The following TRPC3 variants were observed in gnomAD, a reference collection of about 807,000 sequenced individuals.
TRPC3 encodes short transient receptor potential channel 3.
TRPC3 carries 54 observed loss-of-function variants against 90.9 expected under a neutral mutation model. The ratio of observed to expected loss-of-function variants is 0.59; its 90% CI spans 0.48 to 0.75. The LOEUF (loss-of-function observed/expected upper bound fraction) is 0.75. TRPC3 is among the 30% of genes least tolerant of loss of function. TRPC3 has a pLI of 0.00. For missense variants in TRPC3, 918 were observed against 1,194.5 expected (o/e 0.77, Z 3.41); for synonymous variants, 424 against 450.9 (o/e 0.94, Z 0.75).
At chr4:121,883,423 A>G (rs1172543100) in intron 10 of TRPC3, among the ~76,000 whole-genome samples, 1 of 152,200 alleles carries the variant, frequency 6.6e-6, no homozygotes, top group Non-Finnish European at 1.5e-5. Context: ...ATATATAAAG[A>G]ACTTTAATTC....
At position 121,939,354 on chromosome 4, in the gene TRPC3, T is replaced by C. The variant is rs80272463; in HGVS notation, c.216-6312A>G. ...ATTTGAGAAAAGGGAAACTGTCTAA[T>C]GAAAAGATTTTCTCAATTCCTTTAT... is the stretch of plus-strand genomic sequence containing the variant. On this transcript the variant is annotated intron_variant, in intron 1 of 11. Transcript: ENST00000379645. 4.2e-3 allele frequency among the ~76,000 whole-genome samples: 636 copies of C among 152,330 alleles called. 3 individuals carry two copies. The highest frequency in any genetic ancestry group is 0.015 in the African/African-American group (617 of 41,578).
At chr4:121,940,008 A>G (rs116707650) in intron 1 of TRPC3, among the ~76,000 whole-genome samples, 270 of 152,292 alleles carry the variant, frequency 1.8e-3, no homozygotes, top group African/African-American at 6.3e-3. Flanking sequence ...CATTTACTTT[A>G]TAGTATCGAA....
intron 6 of TRPC3, among the ~76,000 whole-genome samples, 200 bp from the exon 7 acceptor site, chr4:121,907,767 G>C (rs987620226): frequency 6.6e-6 from 1 of 151,950 alleles, no homozygotes; most frequent in African/African-American, 2.4e-5. Context: ...TTAGATGGAG[G>C]GTACACTATT....
chr4:121,916,328 C>T (rs1215224334), intron 3 of TRPC3, among the ~76,000 whole-genome samples: 2 of 152,162 alleles, frequency 1.3e-5, no homozygotes, highest in African/African-American at 4.8e-5. Flanking sequence ...CAGAGTGCAC[C>T]CAGTGTAAAG....
At chr4:121,935,651 A>G (rs143908763) in intron 1 of TRPC3, among the ~76,000 whole-genome samples, 9 of 152,302 alleles carry the variant, frequency 5.9e-5, no homozygotes, top group African/African-American at 2.2e-4. Context: ...AAATGGCTAG[A>G]AATTCCATGT....
At chr4:121,950,466 T>C (rs1333075818) in intron 1 of TRPC3, 1 of 152,268 alleles carries the variant, frequency 6.6e-6, no homozygotes, top group Non-Finnish European at 1.5e-5. Flanking sequence ...TTCTGAGCGT[T>C]CTTCCTAAAA....
intron 5 of TRPC3, among the ~76,000 whole-genome samples, chr4:121,910,800 T>C (rs1241844655): frequency 1.3e-5 from 2 of 152,196 alleles, no homozygotes; most frequent in Non-Finnish European, 2.9e-5. Flanking sequence ...ATAGTGATTA[T>C]TGGAGAAATA....
At chr4:121,935,224 T>G (rs1302877623) in intron 1 of TRPC3, among the ~76,000 whole-genome samples, 1 of 152,196 alleles carries the variant, frequency 6.6e-6, no homozygotes, top group Non-Finnish European at 1.5e-5. Context: ...TTTTAATTCC[T>G]TGGTTGACAA....
intron 10 of TRPC3, among the ~76,000 whole-genome samples, chr4:121,896,712 C>T (rs1312191269): frequency 4.6e-5 from 7 of 151,496 alleles, no homozygotes; most frequent in East Asian, 1.9e-4. Context: ...AAAATGACAA[C>T]GGTACTCAAA....
chr4:121,950,024 G>T (rs1167012058), intron 1 of TRPC3, among the ~76,000 whole-genome samples: 2 of 152,230 alleles, frequency 1.3e-5, no homozygotes, highest in African/African-American at 4.8e-5. Flanking sequence ...AGGAAAAATG[G>T]ACAATGTTTT....
rs1728812129 is a variant in TRPC3 at position 121,904,384 on chromosome 4, T to C, written c.2191A>G (p.Met731Val). 1 of 1,601,452 alleles carries C rather than the reference T, an allele frequency of 6.2e-7. No individual in the cohort carries two copies. Among genetic ancestry groups the C allele is most frequent in the Middle Eastern group, 1.7e-4 (1 of 6,018 alleles). The change falls in exon 8 of 12, where the codon ATG becomes GTG. Residue 731 changes from methionine (M) to valine (V), a missense_variant. By Grantham distance (21) the Met-to-Val change is conservative (BLOSUM62 1). Coordinates refer to ENST00000379645, the MANE Select transcript of TRPC3 (RefSeq NM_001130698.2). ...AGCATGTTGAGTAAAACGACCACCA[T>C]AGTTACATTGTATATTCCATAAAGA... ...YVLYGIYNVT[M>V]VVVLLNMLIA...
At position 121,951,555 on chromosome 4, in the gene TRPC3, G is replaced by T; in HGVS notation, c.126C>A (p.Gly42=). 7 of 1,432,994 alleles carry T rather than the reference G, an allele frequency of 4.9e-6. No individual in the cohort carries two copies. Among genetic ancestry groups the T allele is most frequent in the Non-Finnish European group, 6.4e-6 (7 of 1,090,050 alleles). 88.8% of individuals were successfully genotyped at this position (1,432,994 alleles called of 1,614,324 possible). The change falls in exon 1 of 12, where the codon GGC becomes GGA. Residue 42 remains glycine (G), a synonymous_variant. Transcript: ENST00000379645. The surrounding 1 kb of genome is among the most constrained non-coding windows in gnomAD (Gnocchi z 4.4). ...EPQRRRRGWR[G]VNGGLEPRSA... ...AGCGCGGCTCCAGCCCCCCGTTGAC[G>T]CCCCTCCAGCCCCGGCGGCGGCGCT...
At chr4:121,913,332 C>A (rs1384177768) in intron 4 of TRPC3, among the ~76,000 whole-genome samples, 1 of 152,104 alleles carries the variant, frequency 6.6e-6, no homozygotes, top group African/African-American at 2.4e-5. Context: ...AAGCAGAATG[C>A]CAATCTCAAA....
At chr4:121,948,386 T>C (rs1188068066) in intron 1 of TRPC3, among the ~76,000 whole-genome samples, 1 of 151,822 alleles carries the variant, frequency 6.6e-6, no homozygotes, top group Admixed American at 6.6e-5. Flanking sequence ...TTCCCTCAAT[T>C]TCTCCCCTTT....
In TRPC3 at chr4:121,904,321, C is replaced by T. The variant is rs1560695540; in HGVS notation, c.2253+1G>A. On this transcript the variant is annotated splice_donor_variant, in intron 8 of 11. Transcript: ENST00000379645. LOFTEE classifies it high-confidence loss of function. Reference sequence around the variant, plus strand: ...ATACTATGGATAGAAAACCGATTTACCTCAATTTCTTGATATGAGCTATTA... The same window carrying T: ...ATACTATGGATAGAAAACCGATTTATCTCAATTTCTTGATATGAGCTATTA... 1.3e-6 allele frequency: 2 copies of T among 1,596,902 alleles called. No individual in the cohort carries two copies. Among genetic ancestry groups the T allele is most frequent in the South Asian group, 1.1e-5 (1 of 87,518 alleles).
rs1426213289 is a variant in TRPC3 at position 121,951,840 on chromosome 4, G to T, written c.-160C>A. On this transcript the variant is annotated 5_prime_UTR_variant, in exon 1 of 12. Transcript: ENST00000379645. The surrounding 1 kb of genome is among the most constrained non-coding windows in gnomAD (Gnocchi z 4.4). ...GCAGGAGCGGAGAGCGTCGCGGCCC[G>T]CGATCCAGCAGTTAGAGGCTAGCGC... The T allele has an allele frequency of 6.2e-6, 3 of 482,866 alleles. No homozygotes were observed. The highest frequency in any genetic ancestry group is 6.1e-5 in the African/African-American group (3 of 49,558). The allele number at this position is 482,866 out of a possible 1,614,324, so 29.9% of individuals were successfully genotyped here. A position where few individuals can be genotyped will look rare whatever the true frequency, so the allele number is the denominator to read the frequency against.
intron 3 of TRPC3, 55 bp from the exon 4 acceptor site, chr4:121,914,999 T>C: frequency 6.8e-7 from 1 of 1,466,886 alleles, no homozygotes; most frequent in South Asian, 1.3e-5. Flanking sequence ...TACCATACCA[T>C]TGTCAATAGC....
At chr4:121,890,535 T>C (rs1330121668) in intron 10 of TRPC3, among the ~76,000 whole-genome samples, 2 of 151,824 alleles carry the variant, frequency 1.3e-5, no homozygotes, top group African/African-American at 4.8e-5. Flanking sequence ...TCAAAATGAA[T>C]AGGGAAAAAA....
chr4:121,888,877 T>A (rs1370172614), intron 10 of TRPC3, among the ~76,000 whole-genome samples: 1 of 152,176 alleles, frequency 6.6e-6, no homozygotes, highest in Non-Finnish European at 1.5e-5. Flanking sequence ...TAGGAGGTGA[T>A]TAGGTTCCAC....
Sources: allele counts gnomAD v4.1 joint callset (sites outside exome capture counted in the v4.1 genomes callset), GRCh38; gene constraint gnomAD v4.1.1; non-coding constraint Gnocchi (gnomAD v3.1); transcripts MANE v1.5; gene names NCBI Gene and HGNC (gene_info 2026-07-23, HGNC 2026-07-21).